DPF2: variants seen among roughly 807,000 people sequenced by gnomAD.
DPF2 encodes the protein zinc finger protein ubi-d4.
Under a neutral mutation model 59.6 loss-of-function variants are expected in DPF2, and 10 were observed. The observed-to-expected ratio is 0.17, with a 90% confidence interval of 0.10 to 0.28. The LOEUF is 0.28. Ranked by LOEUF, DPF2 falls within the 10% of genes least tolerant of loss-of-function variation. The probability of loss-of-function intolerance (pLI) is 1.00; values close to 1 mark genes in which losing one functional copy is unlikely to be tolerated. For synonymous variants in DPF2, 189 were observed against 190.6 expected, an observed-to-expected ratio of 0.99 and a Z score of 0.07; for missense variants, 315 against 509.4, an observed-to-expected ratio of 0.62 and a Z score of 3.67.
At chr11:65,346,464 C>G (rs1444461692) in intron 9 of DPF2, 105 bp downstream of exon 9, 1 of 1,002,106 alleles carries the variant, frequency 1.0e-6, no homozygotes, top group Non-Finnish European at 1.5e-6. Flanking sequence ...GAGCAGGATC[C>G]CTCCCACATG....
In DPF2 at chr11:65,348,797, C is replaced by A. The variant is rs188678655; in HGVS notation, c.1018-53C>A. 635 of 1,588,842 alleles carry A rather than the reference C, an allele frequency of 4.0e-4. No individual in the cohort carries two copies. The African/African-American group carries it at 7.8e-3, about 20-fold the overall frequency. Reference sequence around the variant, plus strand: ...GGAAATAGCAGTGTCCTGTAGTGGCCTGAGGCACATCAGTTATTCAGTCCC... The same window carrying A: ...GGAAATAGCAGTGTCCTGTAGTGGCATGAGGCACATCAGTTATTCAGTCCC... On this transcript the variant is annotated intron_variant, in intron 9 of 10. Coordinates refer to ENST00000528416, the MANE Select transcript of DPF2 (RefSeq NM_006268.5).
chr11:65,341,756 T>C, intron 4 of DPF2, 194 bp downstream of exon 4: 1 of 654,786 alleles, frequency 1.5e-6, no homozygotes, highest in Non-Finnish European at 2.5e-6. Flanking sequence ...CTATAGACTC[T>C]CATTCATTCA....
intron 6 of DPF2, 60 bp downstream of exon 6, chr11:65,344,129 A>G (rs967267070): frequency 8.5e-6 from 13 of 1,537,116 alleles, no homozygotes; most frequent in African/African-American, 1.4e-5. Flanking sequence ...TGCTCTGGAT[A>G]TGAGAGGAGG....
rs778752988 is a variant in DPF2 at position 65,340,976 on chromosome 11, C to A, written c.204C>A (p.Ser68=). Residue 68 remains serine (S), a synonymous_variant, in exon 3 of 11, where the codon TCC becomes TCA. Coordinates refer to ENST00000528416, the MANE Select transcript of DPF2 (RefSeq NM_006268.5). ...TTCTTCCTGCCACAGGATTGGCCTCCGGACAGCTGTACTCCTACCCTGCCC... is the reference window on the plus strand; with the variant it reads ...TTCTTCCTGCCACAGGATTGGCCTCAGGACAGCTGTACTCCTACCCTGCCC... ...EKRHRGPGLA[S]GQLYSYPARR... 1.2e-6 allele frequency: 2 copies of A among 1,613,936 alleles called. No individual in the cohort carries two copies. Among genetic ancestry groups the A allele is most frequent in the African/African-American group, 2.7e-5 (2 of 74,904 alleles).
chr11:65,333,965 G>A, intron 1 of DPF2, 47 bp downstream of exon 1: 1 of 1,609,004 alleles, frequency 6.2e-7, no homozygotes, highest in Non-Finnish European at 8.5e-7. Context: ...TTTTGTAAAG[G>A]GCCTGGGAGT....
rs1187008410 is a variant in DPF2 at position 65,340,433 on chromosome 11, C to T, written c.81C>T (p.Tyr27=). ...ATGCCATGGAGCAGTGCCACAATTA[C>T]AATGCTCGCCTCTGTGCTGAGCGCA... ...YKDAMEQCHN[Y]NARLCAERSV... Residue 27 remains tyrosine (Y), a synonymous_variant, in exon 2 of 11, where the codon TAC becomes TAT. Coordinates refer to ENST00000528416, the MANE Select transcript of DPF2 (RefSeq NM_006268.5). The T allele has an allele frequency of 2.5e-6, 4 of 1,614,246 alleles. No individual in the cohort carries two copies. The Admixed American group carries it at 6.7e-5, about 27-fold the overall frequency.
intron 10 of DPF2, among the ~76,000 whole-genome samples, chr11:65,349,340 T>C (rs1854626134): frequency 6.6e-6 from 1 of 152,222 alleles, no homozygotes; most frequent in Non-Finnish European, 1.5e-5. Context: ...GACTTGACTT[T>C]GGAGCCTGAA....
In DPF2 at chr11:65,351,827, C is replaced by A; in HGVS notation, c.*68C>A. ...TCTCCTCCACTTCATATTTCATACC[C>A]ATCTTTCCCTTCTTCCTCCTCTCCT... On this transcript the variant is annotated 3_prime_UTR_variant, in exon 11 of 11. Transcript: ENST00000528416. The A allele has an allele frequency of 6.6e-7, 1 of 1,521,166 alleles. No individual in the cohort carries two copies. Among genetic ancestry groups the A allele is most frequent in the Non-Finnish European group, 9.1e-7 (1 of 1,098,898 alleles). 94.2% of individuals were successfully genotyped at this position (1,521,166 alleles called of 1,614,324 possible). A position where few individuals can be genotyped will look rare whatever the true frequency, so the allele number is the denominator to read the frequency against.
At position 65,340,967 on chromosome 11, in the gene DPF2, A is replaced by T. The variant is rs754795615; in HGVS notation, c.195A>T (p.Gly65=). The T allele has an allele frequency of 2.5e-6, 4 of 1,613,998 alleles. No individual in the cohort carries two copies. Among genetic ancestry groups the T allele is most frequent in the Admixed American group, 1.7e-5 (1 of 60,000 alleles). ...IWMEKRHRGP[G]LASGQLYSYP... is the part of the protein sequence containing the mutation. ...CTTCTATCTTTCTTCCTGCCACAGG[A>T]TTGGCCTCCGGACAGCTGTACTCCT... The change falls in exon 3 of 11, where the codon GGA becomes GGT. Residue 65 remains glycine, a splice_region_variant and synonymous_variant. Transcript: ENST00000528416.
rs191199899 is a variant in DPF2 at position 65,337,890 on chromosome 11, C to T, written c.33-2495C>T. Among the ~76,000 whole-genome samples, 6 of 152,056 alleles carry T rather than the reference C, an allele frequency of 3.9e-5. No individual in the cohort carries two copies. The South Asian group carries it at 1.2e-3, about 32-fold the overall frequency. ...CGCAATCTCGGCTCACCGCAACCTC[C>T]GCCTCCCAGGTTCAAGCAATTCTTC... On this transcript the variant is annotated intron_variant, in intron 1 of 10. Coordinates refer to ENST00000528416, the MANE Select transcript of DPF2 (RefSeq NM_006268.5).
chr11:65,340,597 GCCT>G (rs1854335458), intron 2 of DPF2, 52 bp downstream of exon 2: 2 of 1,601,518 alleles, frequency 1.2e-6, no homozygotes, highest in Non-Finnish European at 1.7e-6. Flanking sequence ...GGAGGAAGAA[GCCT>G]CCTCATCTTA....
chr11:65,350,954 GAGC>G (rs2137715432), intron 10 of DPF2, among the ~76,000 whole-genome samples: 1 of 150,930 alleles, frequency 6.6e-6, no homozygotes, highest in South Asian at 2.1e-4. Context: ...ACTCCAGCCT[GAGC>G]AACAGAGCGG....
intron 9 of DPF2, chr11:65,347,372 C>T (rs1460653047): frequency 6.6e-6 from 1 of 152,080 alleles, no homozygotes; most frequent in African/African-American, 2.4e-5. Context: ...CTCTGTCATC[C>T]AGGCTGGAGT....
At chr11:65,341,306 G>A in intron 3 of DPF2, 93 bp from the exon 4 acceptor site, 2 of 1,554,382 alleles carry the variant, frequency 1.3e-6, no homozygotes, top group Middle Eastern at 1.8e-4. Flanking sequence ...AAAAGATAGT[G>A]ACAGACCTTT....
intron 6 of DPF2, 57 bp from the exon 7 acceptor site, chr11:65,345,608 TG>T: frequency 6.2e-7 from 1 of 1,602,208 alleles, no homozygotes. Context: ...CTTGCAGGGA[TG>T]GGGACATGGC....
intron 1 of DPF2, among the ~76,000 whole-genome samples, chr11:65,335,900 G>A (rs1280980694): frequency 1.3e-5 from 2 of 151,860 alleles, no homozygotes; most frequent in Non-Finnish European, 2.9e-5. Context: ...TGCAACCTCC[G>A]CCTCCCGGGT....
chr11:65,345,976 C>T lies in DPF2; in HGVS notation c.822C>T (p.Asp274=), dbSNP rs1406699419. Residue 274 remains aspartate (D), a synonymous_variant, in exon 8 of 11, where the codon GAC becomes GAT. Coordinates refer to ENST00000528416, the MANE Select transcript of DPF2 (RefSeq NM_006268.5). The part of the protein sequence containing the change: ...DGLALPNNYC[D]FCLGDSKINK... ...TGGCCTTGCCCAACAACTACTGTGA[C>T]TTCTGCCTGGGGGACTCAAAGATTA... 6.2e-7 allele frequency: 1 copy of T among 1,614,226 alleles called. No homozygotes were observed. The highest frequency in any genetic ancestry group is 1.1e-5 in the South Asian group (1 of 91,090).
In DPF2 at chr11:65,350,139, G is replaced by A. The variant is rs374113791; in HGVS notation, c.1099+1208G>A. Among the ~76,000 whole-genome samples the A allele has an allele frequency of 1.9e-4, 29 of 152,122 alleles. 1 individual carries two copies. In the East Asian group the frequency reaches 4.1e-3, roughly 21 times the overall value. ...AAACAGATGATCTATGTTACAGAAT[G>A]GCTTTCCTATTAAAGTTCTGTGGGA... On this transcript the variant is annotated intron_variant, in intron 10 of 10. Transcript: ENST00000528416.
intron 1 of DPF2, among the ~76,000 whole-genome samples, chr11:65,335,082 T>TG (rs1240368516): frequency 1.8e-4 from 27 of 151,076 alleles, no homozygotes; most frequent in South Asian, 4.2e-4. Context: ...GTGGTTTGTT[T>TG]TTTTTTTTTT....
Sources: allele counts gnomAD v4.1 joint callset (sites outside exome capture counted in the v4.1 genomes callset), GRCh38; gene constraint gnomAD v4.1.1; transcripts MANE v1.5; gene names NCBI Gene and HGNC (gene_info 2026-07-23, HGNC 2026-07-21).